Variants in FGGY observed in about 807,000 individuals in gnomAD.
FGGY encodes FGGY carbohydrate kinase domain containing, also known as FGGY carbohydrate kinase domain-containing protein.
Under a neutral mutation model 71.3 loss-of-function variants are expected in FGGY, and 72 were observed. The ratio of observed to expected loss-of-function variants is 1.01; its 90% CI spans 0.84 to 1.23. The LOEUF (loss-of-function observed/expected upper bound fraction) is 1.23, where lower values mean the gene tolerates loss of function less well. Ranked by LOEUF, FGGY falls within the 50% of genes most tolerant of loss-of-function variation. The probability of loss-of-function intolerance (pLI) is 0.00; values close to 1 mark genes in which losing one functional copy is unlikely to be tolerated. For synonymous variants in FGGY, 251 were observed against 250.3 expected (o/e 1.00, Z -0.02); for missense variants, 668 against 682.3 (o/e 0.98, Z 0.23).
At chr1:59,737,859 G>C (rs2098118468) in intron 14 of FGGY, among the ~76,000 whole-genome samples, 1 of 152,196 alleles carries the variant, frequency 6.6e-6, no homozygotes, top group Non-Finnish European at 1.5e-5. Context: ...GCCAGGGGCA[G>C]AATGATATGG....
At chr1:59,702,264 G>A (rs1183070387) in intron 14 of FGGY, among the ~76,000 whole-genome samples, 2 of 152,048 alleles carry the variant, frequency 1.3e-5, no homozygotes, top group Admixed American at 6.6e-5. Flanking sequence ...CTATATCAGA[G>A]GTATAAAGCC....
At chr1:59,351,003 G>T (rs2153224100) in intron 4 of FGGY, among the ~76,000 whole-genome samples, 1 of 152,322 alleles carries the variant, frequency 6.6e-6, no homozygotes, top group South Asian at 2.1e-4. Flanking sequence ...CCTGTTATTG[G>T]ATGGCTTGAG....
chr1:59,731,705 C>T (rs1481619532), intron 14 of FGGY, among the ~76,000 whole-genome samples: 1 of 152,052 alleles, frequency 6.6e-6, no homozygotes. Context: ...GTCATTCCTC[C>T]AGCATACCTT....
chr1:59,643,322 A>T (rs1427921114), intron 11 of FGGY, among the ~76,000 whole-genome samples: 1 of 152,086 alleles, frequency 6.6e-6, no homozygotes, highest in Non-Finnish European at 1.5e-5. Flanking sequence ...CCAAGTAGCT[A>T]AGACTACACA....
intron 6 of FGGY, among the ~76,000 whole-genome samples, chr1:59,473,508 A>G (rs1286354371): frequency 6.6e-6 from 1 of 152,196 alleles, no homozygotes; most frequent in East Asian, 1.9e-4. Context: ...TTACCAGAAA[A>G]GAGGGGAAAT....
At chr1:59,646,040 A>C (rs2097091180) in intron 11 of FGGY, among the ~76,000 whole-genome samples, 5 of 152,242 alleles carry the variant, frequency 3.3e-5, no homozygotes, top group Admixed American at 2.6e-4. Context: ...GATCTTAGCC[A>C]GTTTCCAAGG....
At chr1:59,609,567 G>T (rs2096655022) in intron 9 of FGGY, among the ~76,000 whole-genome samples, 1 of 152,218 alleles carries the variant, frequency 6.6e-6, no homozygotes. Flanking sequence ...TACAGAGAAA[G>T]TGAGACCTAG....
chr1:59,490,535 T>C (rs2093797088), intron 6 of FGGY, among the ~76,000 whole-genome samples: 1 of 152,186 alleles, frequency 6.6e-6, no homozygotes, highest in Non-Finnish European at 1.5e-5. Flanking sequence ...AATTCCCTTT[T>C]TAAAAATTTT....
intron 1 of FGGY, among the ~76,000 whole-genome samples, chr1:59,312,349 ACTAT>A (rs1444032472): frequency 1.3e-5 from 2 of 152,152 alleles, no homozygotes; most frequent in African/African-American, 4.8e-5. Context: ...GGGCTTTGTG[ACTAT>A]CAACAGGATA....
At chr1:59,513,886 G>A (rs757806088) in intron 7 of FGGY, among the ~76,000 whole-genome samples, 1 of 152,136 alleles carries the variant, frequency 6.6e-6, no homozygotes, top group Non-Finnish European at 1.5e-5. Context: ...GAGCAGGATC[G>A]CTCTCATCAA....
intron 6 of FGGY, among the ~76,000 whole-genome samples, chr1:59,473,881 ATTTCT>A (rs955278081): frequency 5.3e-5 from 8 of 152,122 alleles, no homozygotes; most frequent in East Asian, 3.9e-4. Context: ...TGGCAAGCCC[ATTTCT>A]TTTCTTTTCT....
chr1:59,370,470 G>GA (rs2057405041), intron 4 of FGGY, among the ~76,000 whole-genome samples: 1 of 152,166 alleles, frequency 6.6e-6, no homozygotes, highest in South Asian at 2.1e-4. Flanking sequence ...GAACCAAACT[G>GA]AAAAACACTC....
At chr1:59,430,868 G>A (rs1289496777) in intron 5 of FGGY, among the ~76,000 whole-genome samples, 16 of 152,018 alleles carry the variant, frequency 1.1e-4, no homozygotes, top group Admixed American at 1.0e-3. Context: ...CTTTTCATTG[G>A]GTAGCCCTAC....
chr1:59,387,315 A>C (rs1434078937), intron 5 of FGGY, among the ~76,000 whole-genome samples: 2 of 152,120 alleles, frequency 1.3e-5, no homozygotes, highest in Admixed American at 6.5e-5. Flanking sequence ...TTAATGTATA[A>C]AAATATTTTT....
chr1:59,439,591 A>G (rs906748171), intron 5 of FGGY, among the ~76,000 whole-genome samples: 2 of 152,094 alleles, frequency 1.3e-5, no homozygotes, highest in African/African-American at 4.8e-5. Context: ...CCACATCATC[A>G]TGTCTTCTAG....
At chr1:59,445,637 C>G (rs888521384) in intron 5 of FGGY, among the ~76,000 whole-genome samples, 1 of 152,140 alleles carries the variant, frequency 6.6e-6, no homozygotes, top group Non-Finnish European at 1.5e-5. Flanking sequence ...CCTTTTTTAC[C>G]AGAACATCCT....
intron 11 of FGGY, among the ~76,000 whole-genome samples, chr1:59,651,653 C>T (rs1217117826): frequency 2.7e-5 from 4 of 150,894 alleles, no homozygotes; most frequent in East Asian, 1.9e-4. Flanking sequence ...TATCTCTGCA[C>T]GTGAGATGGG....
At chr1:59,476,459 A>T (rs182891962) in intron 6 of FGGY, among the ~76,000 whole-genome samples, 1 of 152,336 alleles carries the variant, frequency 6.6e-6, no homozygotes, top group East Asian at 1.9e-4. Flanking sequence ...GATCCTGCAC[A>T]TCTGTCCATG....
intron 9 of FGGY, among the ~76,000 whole-genome samples, chr1:59,625,001 G>A (rs1432637150): frequency 1.3e-5 from 2 of 152,078 alleles, no homozygotes; most frequent in Non-Finnish European, 2.9e-5. Context: ...CCCAACCCTG[G>A]CCTCTGTGTC....
Sources: gnomAD v4.1 joint callset for allele counts (sites outside exome capture counted in the v4.1 genomes callset) on GRCh38, gnomAD v4.1.1 for gene constraint, MANE v1.5 for transcripts, NCBI Gene and HGNC (gene_info 2026-07-23, HGNC 2026-07-21) for gene names.